Variants in ATG5 observed in about 807,000 individuals in gnomAD.
The protein encoded by ATG5 is autophagy related 5, also known as autophagy protein 5.
ATG5 carries 14 observed loss-of-function variants against 36.5 expected under a neutral mutation model. That is an observed-to-expected ratio of 0.38 (90% CI 0.25 to 0.60). ATG5 has a LOEUF of 0.60. ATG5 is among the 20% of genes least tolerant of loss of function. The probability of loss-of-function intolerance (pLI) is 0.60; values close to 1 mark genes in which losing one functional copy is unlikely to be tolerated. For synonymous variants in ATG5, 95 were observed against 101.5 expected, an observed-to-expected ratio of 0.94 and a Z score of 0.38; for missense variants, 195 against 326.7, an observed-to-expected ratio of 0.60 and a Z score of 3.11.
In ATG5 at chr6:106,316,285, G is replaced by C. The variant is rs1770844748; in HGVS notation, c.-58-19C>G. 1.9e-6 allele frequency: 2 copies of C among 1,075,152 alleles called. No individual in the cohort carries two copies. Among genetic ancestry groups the C allele is most frequent in the Admixed American group, 2.0e-5 (1 of 51,232 alleles). The allele number at this position is 1,075,152 out of a possible 1,614,324, so 66.6% of individuals were successfully genotyped here. On this transcript the variant is annotated intron_variant, in intron 1 of 7. Transcript: ENST00000369076. Reference sequence around the variant, plus strand: ...AGCCAAACTGAAAATAAAATGAAGAGCATTAGTCAGATCCTTGCAACGATG... The same window carrying C: ...AGCCAAACTGAAAATAAAATGAAGACCATTAGTCAGATCCTTGCAACGATG...
intron 6 of ATG5, among the ~76,000 whole-genome samples, chr6:106,240,029 G>C (rs1009400403): frequency 4.0e-5 from 6 of 151,792 alleles, no homozygotes; most frequent in Non-Finnish European, 7.4e-5. Context: ...GTCTTGCTCT[G>C]TTGACCAGGC....
rs1484184820 is a variant in ATG5 at position 106,308,895 on chromosome 6, A to C, written c.109-404T>G. Among the ~76,000 whole-genome samples, 5 of 152,220 alleles carry C rather than the reference A, an allele frequency of 3.3e-5. No individual in the cohort carries two copies. In the East Asian group the frequency reaches 9.6e-4, roughly 29 times the overall value. On this transcript the variant is annotated intron_variant, in intron 2 of 7. Transcript: ENST00000369076. ...AGATAATCAACTCAAGTTCTAAAGT[A>C]TACTTTGACTTATCAATCAAATCTT...
chr6:106,294,426 G>C (rs1231803796), intron 3 of ATG5, among the ~76,000 whole-genome samples: 2 of 151,180 alleles, frequency 1.3e-5, no homozygotes, highest in Non-Finnish European at 2.9e-5. Context: ...ATAGATATAT[G>C]TTTATATATA....
At chr6:106,282,174 A>G (rs1045448939) in intron 4 of ATG5, among the ~76,000 whole-genome samples, 2 of 152,168 alleles carry the variant, frequency 1.3e-5, no homozygotes, top group African/African-American at 4.8e-5. Context: ...AGCTACTTCA[A>G]TTCATGTTAT....
At chr6:106,285,313 T>C (rs1437970515) in intron 4 of ATG5, among the ~76,000 whole-genome samples, 2 of 152,238 alleles carry the variant, frequency 1.3e-5, no homozygotes, top group African/African-American at 4.8e-5. Context: ...TTTCCGGTAG[T>C]ACCAAGATGT....
intron 6 of ATG5, among the ~76,000 whole-genome samples, chr6:106,221,626 C>T (rs1277467034): frequency 6.9e-6 from 1 of 145,934 alleles, no homozygotes; most frequent in East Asian, 2.1e-4. Flanking sequence ...ATCAAAGCTG[C>T]AGTGAGCTGA....
chr6:106,322,854 T>C (rs1342802640), intron 1 of ATG5, among the ~76,000 whole-genome samples: 1 of 152,212 alleles, frequency 6.6e-6, no homozygotes, highest in Non-Finnish European at 1.5e-5. Flanking sequence ...GACATTTCCA[T>C]TTAGAAATTT....
intron 3 of ATG5, among the ~76,000 whole-genome samples, chr6:106,298,242 G>C (rs540612294): frequency 5.3e-5 from 8 of 151,882 alleles, no homozygotes; most frequent in African/African-American, 1.7e-4. Context: ...TACAGTCATG[G>C]GCCACTGCAC....
rs1775742461 is a variant in ATG5, at chr6:106,185,808, C to T, written c.*732G>A. 6.6e-6 allele frequency: 1 copy of T among 152,430 alleles called. No individual in the cohort carries two copies. Among genetic ancestry groups the T allele is most frequent in the South Asian group, 2.1e-4 (1 of 4,832 alleles). 9.4% of individuals were successfully genotyped at this position (152,430 alleles called of 1,614,324 possible). A position where few individuals can be genotyped will look rare whatever the true frequency, so the allele number is the denominator to read the frequency against. On this transcript the variant is annotated 3_prime_UTR_variant, in exon 8 of 8. Coordinates refer to ENST00000369076, the MANE Select transcript of ATG5 (RefSeq NM_004849.4). Reference sequence around the variant, plus strand: ...CTTCTGAGACAAGTAATCCTATGCCCTATATCCACCCCATGCCAATGACGA... The same window carrying T: ...CTTCTGAGACAAGTAATCCTATGCCTTATATCCACCCCATGCCAATGACGA...
At chr6:106,312,623 TACACACACACACACAC>T (rs144983689) in intron 2 of ATG5, among the ~76,000 whole-genome samples, 3 of 144,402 alleles carry the variant, frequency 2.1e-5, no homozygotes, top group African/African-American at 7.6e-5. Context: ...CAAAAAAGAC[TACACACACACACACAC>T]ACACACACAC....
At chr6:106,235,605 G>T (rs1777869028) in intron 6 of ATG5, among the ~76,000 whole-genome samples, 1 of 152,150 alleles carries the variant, frequency 6.6e-6, no homozygotes, top group Admixed American at 6.5e-5. Context: ...CGACCAATCA[G>T]GTAGTAAAGA....
At chr6:106,224,201 G>A (rs939895029) in intron 6 of ATG5, among the ~76,000 whole-genome samples, 1 of 152,178 alleles carries the variant, frequency 6.6e-6, no homozygotes, top group Admixed American at 6.5e-5. Context: ...AGCATGCAGT[G>A]TTATTTGGTT....
chr6:106,237,182 A>G (rs1223581573), intron 6 of ATG5, among the ~76,000 whole-genome samples: 1 of 152,232 alleles, frequency 6.6e-6, no homozygotes, highest in Admixed American at 6.5e-5. Context: ...GAAAGTTAAC[A>G]ATGAAATACA....
At chr6:106,237,193 T>A (rs1268465470) in intron 6 of ATG5, among the ~76,000 whole-genome samples, 2 of 152,102 alleles carry the variant, frequency 1.3e-5, no homozygotes, top group Non-Finnish European at 2.9e-5. Flanking sequence ...ATGAAATACA[T>A]TACATAAAAA....
chr6:106,295,067 C>T (rs1217272684), intron 3 of ATG5, among the ~76,000 whole-genome samples: 1 of 151,822 alleles, frequency 6.6e-6, no homozygotes, highest in Non-Finnish European at 1.5e-5. Flanking sequence ...TATACATACA[C>T]ACACACACAC....
intron 6 of ATG5, among the ~76,000 whole-genome samples, chr6:106,211,609 C>A (rs1582555224): frequency 1.3e-5 from 2 of 152,134 alleles, no homozygotes; most frequent in Admixed American, 1.3e-4. Context: ...ACTCAGGAGG[C>A]TGAGGCAGGA....
At chr6:106,259,179 T>C (rs555681930) in intron 5 of ATG5, among the ~76,000 whole-genome samples, 2 of 152,302 alleles carry the variant, frequency 1.3e-5, no homozygotes, top group Non-Finnish European at 2.9e-5. Flanking sequence ...CTGAAAATTA[T>C]ATATATTTCT....
chr6:106,306,082 T>C (rs1267294513), intron 3 of ATG5, among the ~76,000 whole-genome samples: 10 of 152,196 alleles, frequency 6.6e-5, no homozygotes, highest in Non-Finnish European at 1.5e-5. Context: ...AAAACTACCA[T>C]AAAGATACTT....
intron 1 of ATG5, among the ~76,000 whole-genome samples, chr6:106,317,957 CAGTT>C (rs1770917894): frequency 6.6e-6 from 1 of 152,134 alleles, no homozygotes; most frequent in Non-Finnish European, 1.5e-5. Context: ...ATGATACATC[CAGTT>C]AGTCAACAGC....
Sources: gnomAD v4.1 joint callset for allele counts (sites outside exome capture counted in the v4.1 genomes callset) on GRCh38, gnomAD v4.1.1 for gene constraint, MANE v1.5 for transcripts, NCBI Gene and HGNC (gene_info 2026-07-23, HGNC 2026-07-21) for gene names.